Variants in PPARGC1A observed in about 807,000 individuals in gnomAD.
The protein encoded by PPARGC1A is PPARG coactivator 1 alpha.
PPARGC1A carries 25 observed loss-of-function variants against 88.7 expected under a neutral mutation model. The ratio of observed to expected loss-of-function variants is 0.28; its 90% confidence interval spans 0.21 to 0.39. The LOEUF is 0.39. PPARGC1A is among the 10% of genes least tolerant of loss of function. PPARGC1A has a pLI of 1.00. For missense variants in PPARGC1A, 880 were observed against 968.7 expected (o/e 0.91, Z 1.22); for synonymous variants, 363 against 355.6 (o/e 1.02, Z -0.24).
chr4:23,919,252 T>C, the PPARGC1A span, among the ~76,000 whole-genome samples: 1 of 152,170 alleles, frequency 6.6e-6, no homozygotes, highest in Non-Finnish European at 1.5e-5. Flanking sequence ...ATACTAGTCC[T>C]TATAAATGGT....
intron 7 of PPARGC1A, among the ~76,000 whole-genome samples, chr4:23,822,348 G>A (rs1489805971): frequency 1.3e-5 from 2 of 151,904 alleles, no homozygotes; most frequent in Non-Finnish European, 2.9e-5. Context: ...TTCCCTGAAG[G>A]CTCTCCAAGT....
chr4:24,258,479 T>C, the PPARGC1A span, among the ~76,000 whole-genome samples: 1 of 152,198 alleles, frequency 6.6e-6, no homozygotes, highest in Non-Finnish European at 1.5e-5. Context: ...ACCACAATCT[T>C]AACATATTAA....
At chr4:24,164,472 G>A in the PPARGC1A span, among the ~76,000 whole-genome samples, 29 of 152,308 alleles carry the variant, frequency 1.9e-4, no homozygotes, top group South Asian at 4.8e-3. Flanking sequence ...CAGGAGAGGG[G>A]AGCAATGCCC....
the PPARGC1A span, among the ~76,000 whole-genome samples, chr4:23,954,718 C>T: frequency 1.6e-4 from 25 of 151,998 alleles, 1 homozygote; most frequent in South Asian, 1.2e-3. Context: ...GTTTCATATT[C>T]GGGGCAATAT....
At chr4:24,080,406 A>G in the PPARGC1A span, among the ~76,000 whole-genome samples, 1 of 152,166 alleles carries the variant, frequency 6.6e-6, no homozygotes. Context: ...ATATTGAATC[A>G]ACTAACTCAA....
the PPARGC1A span, among the ~76,000 whole-genome samples, chr4:23,990,153 A>G: frequency 6.8e-6 from 1 of 147,426 alleles, no homozygotes; most frequent in Non-Finnish European, 1.5e-5. Context: ...TATATAATCC[A>G]TGGAATACAT....
At chr4:24,194,630 G>GCGCACA in the PPARGC1A span, among the ~76,000 whole-genome samples, 164 of 48,688 alleles carry the variant, frequency 3.4e-3, no homozygotes, top group African/African-American at 7.5e-3. Context: ...GCACGCGCGC[G>GCGCACA]CACACACACA....
the PPARGC1A span, among the ~76,000 whole-genome samples, chr4:24,353,543 C>T: frequency 1.3e-5 from 2 of 152,162 alleles, no homozygotes; most frequent in Non-Finnish European, 2.9e-5. Flanking sequence ...ATTCCTAAGC[C>T]TTGCTAAGAA....
At chr4:24,420,062 C>T in the PPARGC1A span, among the ~76,000 whole-genome samples, 1 of 152,310 alleles carries the variant, frequency 6.6e-6, no homozygotes, top group East Asian at 1.9e-4. Context: ...CAGTTGCTGA[C>T]ATTTCTGATG....
the PPARGC1A span, among the ~76,000 whole-genome samples, chr4:23,921,220 C>T: frequency 4.5e-4 from 68 of 152,262 alleles, no homozygotes; most frequent in Non-Finnish European, 7.8e-4. Context: ...AGACTTTGTA[C>T]CCTGGGAAAA....
chr4:24,266,516 C>A, the PPARGC1A span, among the ~76,000 whole-genome samples: 1 of 152,072 alleles, frequency 6.6e-6, no homozygotes, highest in Non-Finnish European at 1.5e-5. Context: ...TGAGTCTCTG[C>A]TGTCAAGGAA....
intron 3 of PPARGC1A, 100 bp downstream of exon 3, chr4:23,831,456 TA>T: frequency 9.2e-7 from 1 of 1,091,636 alleles, no homozygotes; most frequent in Non-Finnish European, 1.3e-6. Flanking sequence ...GGCATCATTC[TA>T]AATGAAAAAA....
At chr4:23,972,235 AT>A in the PPARGC1A span, among the ~76,000 whole-genome samples, 5 of 152,378 alleles carry the variant, frequency 3.3e-5, no homozygotes, top group Middle Eastern at 6.8e-3. Flanking sequence ...AGAGATAATG[AT>A]AAAAATGAAA....
At chr4:24,371,488 C>T in the PPARGC1A span, among the ~76,000 whole-genome samples, 3 of 152,116 alleles carry the variant, frequency 2.0e-5, no homozygotes, top group Admixed American at 6.5e-5. Context: ...ACTGTATCAT[C>T]CCTAACCCCC....
chr4:24,115,900 T>C, the PPARGC1A span, among the ~76,000 whole-genome samples: 1 of 152,084 alleles, frequency 6.6e-6, no homozygotes, highest in South Asian at 2.1e-4. Flanking sequence ...TCAATTCCAA[T>C]CAAGAACACA....
the PPARGC1A span, among the ~76,000 whole-genome samples, chr4:24,027,233 G>GTC: frequency 3.3e-5 from 5 of 150,164 alleles, no homozygotes; most frequent in African/African-American, 1.2e-4. Flanking sequence ...GTGTCTGTGT[G>GTC]TGTCTGTGTG....
At chr4:24,202,021 C>G in the PPARGC1A span, among the ~76,000 whole-genome samples, 1 of 152,014 alleles carries the variant, frequency 6.6e-6, no homozygotes, top group South Asian at 2.1e-4. Context: ...CCTGCCTCAG[C>G]TTCCCAAACA....
At chr4:24,093,196 T>A in the PPARGC1A span, among the ~76,000 whole-genome samples, 4 of 152,208 alleles carry the variant, frequency 2.6e-5, no homozygotes, top group Non-Finnish European at 5.9e-5. Flanking sequence ...AAGAGTTAGT[T>A]CAGCTATAAC....
chr4:24,069,003 G>T, the PPARGC1A span, among the ~76,000 whole-genome samples: 4 of 152,314 alleles, frequency 2.6e-5, no homozygotes, highest in South Asian at 4.1e-4. Context: ...TCCTGGCAAG[G>T]TGTTTGGTAA....
Sources: allele counts gnomAD v4.1 joint callset (sites outside exome capture counted in the v4.1 genomes callset), GRCh38; gene constraint gnomAD v4.1.1; transcripts MANE v1.5; gene names NCBI Gene and HGNC (gene_info 2026-07-23, HGNC 2026-07-21).